The following HSDL1 variants were observed in gnomAD, a reference collection of about 807,000 sequenced individuals.
The protein encoded by HSDL1 is hydroxysteroid dehydrogenase like 1.
HSDL1 carries 29 observed loss-of-function variants against 31.5 expected under a neutral mutation model. The observed-to-expected ratio is 0.92, with a 90% confidence interval of 0.69 to 1.26. HSDL1 has a LOEUF of 1.26. HSDL1 is among the 50% of genes most tolerant of loss of function. The pLI is 0.00. For missense variants in HSDL1, 503 were observed against 416.6 expected (o/e 1.21, Z -1.81); for synonymous variants, 222 against 155.2 (o/e 1.43, Z -3.20).
At chr16:84,126,165 G>C (rs977155398) in intron 5 of HSDL1, among the ~76,000 whole-genome samples, 1 of 151,556 alleles carries the variant, frequency 6.6e-6, no homozygotes. Context: ...ACAGACAGAC[G>C]CATACGTGGT....
chr16:84,125,900 G>A (rs2086601730), intron 5 of HSDL1, among the ~76,000 whole-genome samples: 1 of 152,142 alleles, frequency 6.6e-6, no homozygotes, highest in Non-Finnish European at 1.5e-5. Flanking sequence ...TCAGGAGATC[G>A]AGACCATCCT....
At chr16:84,131,618 G>T (rs1414813228) in intron 2 of HSDL1, among the ~76,000 whole-genome samples, 1 of 150,580 alleles carries the variant, frequency 6.6e-6, no homozygotes, top group Admixed American at 6.6e-5. Context: ...GGGTTCAAGC[G>T]ATTCTCCTGC....
At chr16:84,144,677 G>C (rs1284682546) in intron 1 of HSDL1, among the ~76,000 whole-genome samples, 1 of 152,064 alleles carries the variant, frequency 6.6e-6, no homozygotes, top group Non-Finnish European at 1.5e-5. Flanking sequence ...GGGAGGAGCC[G>C]GGTGAGAGGC....
At chr16:84,142,219 C>T (rs917340956) in intron 1 of HSDL1, among the ~76,000 whole-genome samples, 1 of 152,170 alleles carries the variant, frequency 6.6e-6, no homozygotes, top group Non-Finnish European at 1.5e-5. Context: ...GGAGCCACTG[C>T]ACCTGGCTGA....
intron 1 of HSDL1, among the ~76,000 whole-genome samples, chr16:84,143,445 G>A (rs1020125039): frequency 6.6e-6 from 1 of 152,092 alleles, no homozygotes; most frequent in African/African-American, 2.4e-5. Context: ...TGAGGGACAG[G>A]GGGAGAAAAG....
At chr16:84,143,640 TTA>T (rs1461638157) in intron 1 of HSDL1, among the ~76,000 whole-genome samples, 3 of 152,006 alleles carry the variant, frequency 2.0e-5, no homozygotes, top group African/African-American at 7.3e-5. Context: ...AAAACCTACT[TTA>T]AAAAAAAGTA....
At chr16:84,137,017 T>C (rs1431500856) in intron 1 of HSDL1, among the ~76,000 whole-genome samples, 1 of 124,280 alleles carries the variant, frequency 8.0e-6, no homozygotes, top group Non-Finnish European at 1.8e-5. Flanking sequence ...GGTCCTACAG[T>C]CTCTCGAGAT....
intron 1 of HSDL1, among the ~76,000 whole-genome samples, chr16:84,138,531 TG>T (rs1469624986): frequency 1.5e-4 from 23 of 152,222 alleles, no homozygotes; most frequent in Admixed American, 6.5e-5. Context: ...TTGGTTGTGG[TG>T]ATCATTTCAC....
chr16:84,137,002 T>C (rs910830493), intron 1 of HSDL1, among the ~76,000 whole-genome samples: 1 of 150,974 alleles, frequency 6.6e-6, no homozygotes, highest in Non-Finnish European at 1.5e-5. Flanking sequence ...ACACACACGG[T>C]CACTGGTCCT....
At chr16:84,129,838 A>G in intron 4 of HSDL1, 63 bp from the exon 5 acceptor site, 1 of 1,482,444 alleles carries the variant, frequency 6.7e-7, no homozygotes, top group Non-Finnish European at 9.3e-7. Flanking sequence ...TTCAGGAGAA[A>G]AAAAGACTTG....
Position 84,130,099 on chromosome 16 carries a change from C to A in HSDL1, c.553G>T (p.Val185Phe). ...ACCATTCCCGGTAACACAACATGGA[C>A]CATCAAACTAGCGGCGGCAATGTTC... The part of the protein sequence containing the change: ...NVNIAAASLM[V>F]HVVLPGMVER... The change falls in exon 4 of 6, where the codon GTC (valine) becomes TTC (phenylalanine). Residue 185 changes from valine to phenylalanine, a missense_variant. Physicochemically the swap from Val to Phe is conservative, Grantham distance 50. Coordinates refer to ENST00000219439, the MANE Select transcript of HSDL1 (RefSeq NM_031463.5). 1 of 1,614,120 alleles carries A rather than the reference C, an allele frequency of 6.2e-7. No homozygotes were observed. The highest frequency in any genetic ancestry group is 8.5e-7 in the Non-Finnish European group (1 of 1,180,030).
At chr16:84,140,864 G>A (rs901777764) in intron 1 of HSDL1, among the ~76,000 whole-genome samples, 1 of 152,110 alleles carries the variant, frequency 6.6e-6, no homozygotes, top group Non-Finnish European at 1.5e-5. Context: ...AGCACTTTGG[G>A]AGGCCGAGGC....
rs1309424587 is a variant in HSDL1, at chr16:84,130,274, G to A, written c.378C>T (p.Phe126=). The change falls in exon 4 of 6, where the codon TTC becomes TTT. Residue 126 remains phenylalanine, a synonymous_variant. Transcript: ENST00000219439. ...GAAGGTAGATCTCACGACCGCTGCT[G>A]AAGTCCGCAACTATAATATCAGTTT... ...KVETDIIVAD[F]SSGREIYLPI... is the part of the protein sequence containing the mutation. The A allele has an allele frequency of 9.9e-6, 16 of 1,614,204 alleles. No individual in the cohort carries two copies. The highest frequency in any genetic ancestry group is 1.4e-5 in the Non-Finnish European group (16 of 1,180,036).
In HSDL1 at chr16:84,129,704, T is replaced by G. The variant is rs780729152; in HGVS notation, c.738A>C (p.Leu246=). The part of the protein sequence containing the change: ...YASKGIFVQS[L]IPFYVATSMT... ...TGCTGGTGGCTACATAGAAAGGGAT[T>G]AGACTCTGTACAAAGATTCCTTTAG... The change falls in exon 5 of 6, where the codon CTA becomes CTC. Residue 246 remains leucine (L), a synonymous_variant. Coordinates refer to ENST00000219439, the MANE Select transcript of HSDL1 (RefSeq NM_031463.5). 1 of 1,614,212 alleles carries G rather than the reference T, an allele frequency of 6.2e-7. No individual in the cohort carries two copies. The highest frequency in any genetic ancestry group is 8.5e-7 in the Non-Finnish European group (1 of 1,180,030).
At chr16:84,134,197 C>G (rs995880350) in intron 2 of HSDL1, among the ~76,000 whole-genome samples, 2 of 152,130 alleles carry the variant, frequency 1.3e-5, no homozygotes, top group Admixed American at 1.3e-4. Context: ...TCCCACAACC[C>G]TCCTGCTGCT....
intron 1 of HSDL1, among the ~76,000 whole-genome samples, chr16:84,140,257 C>T (rs2086753805): frequency 6.6e-6 from 1 of 152,156 alleles, no homozygotes; most frequent in South Asian, 2.1e-4. Flanking sequence ...ACGAATTTTT[C>T]TGTAACTAAA....
rs1437028907 is a variant in HSDL1 at position 84,130,861 on chromosome 16, G to A, written c.220+241C>T. 3 of 474,498 alleles carry A rather than the reference G, an allele frequency of 6.3e-6. No homozygotes were observed. The Admixed American group carries it at 1.1e-4, about 18-fold the overall frequency. 29.4% of individuals were successfully genotyped at this position (474,498 alleles called of 1,614,324 possible). On this transcript the variant is annotated intron_variant, in intron 3 of 5. Coordinates refer to ENST00000219439, the MANE Select transcript of HSDL1 (RefSeq NM_031463.5). ...AAAGGAAAAGCACATAGTAGGAAGT[G>A]GGTCTGGAGGAGGACTGGGAACAGG...
At chr16:84,138,507 A>T (rs145447360) in intron 1 of HSDL1, among the ~76,000 whole-genome samples, 270 of 152,338 alleles carry the variant, frequency 1.8e-3, no homozygotes, top group African/African-American at 6.1e-3. Flanking sequence ...GAGGTGATGA[A>T]TGTGTTAACT....
Position 84,124,580 on chromosome 16 carries a change from A to G in HSDL1, c.*50T>C, listed in dbSNP as rs759398456. 9 of 1,068,956 alleles carry G rather than the reference A, an allele frequency of 8.4e-6. No individual in the cohort carries two copies. In the East Asian group the frequency reaches 2.1e-4, roughly 25 times the overall value. 66.2% of individuals were successfully genotyped at this position (1,068,956 alleles called of 1,614,324 possible). Reference sequence around the variant, plus strand: ...TAAATGTGTTTTTCCAAATGTCAGAATATCGAGGTTCCCAGGAGTTGGCAA... The same window carrying G: ...TAAATGTGTTTTTCCAAATGTCAGAGTATCGAGGTTCCCAGGAGTTGGCAA... On this transcript the variant is annotated 3_prime_UTR_variant, in exon 6 of 6. Coordinates refer to ENST00000219439, the MANE Select transcript of HSDL1 (RefSeq NM_031463.5).
Sources: allele counts gnomAD v4.1 joint callset (sites outside exome capture counted in the v4.1 genomes callset), GRCh38; gene constraint gnomAD v4.1.1; transcripts MANE v1.5; gene names NCBI Gene and HGNC (gene_info 2026-07-23, HGNC 2026-07-21).